The following FRY variants were observed in gnomAD, a reference collection of about 807,000 sequenced individuals.
FRY encodes protein furry homolog.
A neutral mutation model predicts 348.4 loss-of-function variants in FRY; 128 were observed. That is an observed-to-expected ratio of 0.37 (90% confidence interval 0.32 to 0.43). The LOEUF is 0.43. FRY is among the 20% of genes least tolerant of loss of function. The probability of loss-of-function intolerance (pLI) is 1.00; values close to 1 mark genes in which losing one functional copy is unlikely to be tolerated. For missense variants in FRY, 2,736 were observed against 3,695.2 expected (o/e 0.74, Z 6.73); for synonymous variants, 1,370 against 1,374.7 (o/e 1.00, Z 0.08).
chr13:32,212,878 TTAA>T lies in FRY; in HGVS notation c.4682+505_4682+507del, dbSNP rs112127003. Among the ~76,000 whole-genome samples, 1,384 of 152,282 alleles carry T rather than the reference TTAA, an allele frequency of 9.1e-3. 21 individuals are homozygous for T. Among genetic ancestry groups the T allele is most frequent in the African/African-American group, 0.032 (1,334 of 41,552 alleles). Reference sequence around the variant, plus strand: ...TCTCCGTTCCCTCCACATTAGCTCTTTAATAATAATATTTCCCCTATATCTCAG... The same window carrying T: ...TCTCCGTTCCCTCCACATTAGCTCTTTAATAATATTTCCCCTATATCTCAG... On this transcript the variant is annotated intron_variant, in intron 35 of 60. Coordinates refer to ENST00000542859, the MANE Select transcript of FRY (RefSeq NM_023037.3).
chr13:32,215,897 A>T (rs1336826770), intron 35 of FRY, among the ~76,000 whole-genome samples: 2 of 152,246 alleles, frequency 1.3e-5, no homozygotes, highest in African/African-American at 4.8e-5. Context: ...ATCAATCTTA[A>T]TAAAAGATTT....
intron 4 of FRY, among the ~76,000 whole-genome samples, chr13:32,123,629 A>G (rs1222804457): frequency 6.6e-6 from 1 of 152,218 alleles, no homozygotes. Flanking sequence ...GCCTGTCTCA[A>G]GTTGTTATCA....
At chr13:32,060,246 C>T (rs1873866340) in intron 1 of FRY, among the ~76,000 whole-genome samples, 1 of 152,152 alleles carries the variant, frequency 6.6e-6, no homozygotes, top group South Asian at 2.1e-4. Flanking sequence ...AGTAACTTTG[C>T]ATTTTCCTTC....
intron 11 of FRY, among the ~76,000 whole-genome samples, chr13:32,138,691 T>A (rs1879871694): frequency 6.6e-6 from 1 of 152,174 alleles, no homozygotes; most frequent in Non-Finnish European, 1.5e-5. Flanking sequence ...CTGAACCACA[T>A]TCCAGAATTC....
intron 28 of FRY, among the ~76,000 whole-genome samples, chr13:32,189,630 G>T (rs1162604939): frequency 6.6e-6 from 1 of 151,912 alleles, no homozygotes; most frequent in Non-Finnish European, 1.5e-5. Context: ...AATCAAGAAA[G>T]AGAGAGTGAC....
intron 50 of FRY, 45 bp from the exon 51 acceptor site, chr13:32,254,179 A>G (rs1218382238): frequency 5.0e-6 from 8 of 1,605,126 alleles, no homozygotes; most frequent in South Asian, 1.1e-5. Flanking sequence ...AGCACAAACA[A>G]CCAAAGGGAG....
intron 28 of FRY, among the ~76,000 whole-genome samples, chr13:32,193,916 T>C (rs773443179): frequency 2.0e-5 from 3 of 152,198 alleles, no homozygotes; most frequent in Non-Finnish European, 2.9e-5. Context: ...AAATTGAGAA[T>C]AGATGGACCC....
intron 1 of FRY, among the ~76,000 whole-genome samples, chr13:32,035,990 A>G (rs893887310): frequency 7.2e-5 from 11 of 152,192 alleles, no homozygotes; most frequent in African/African-American, 1.9e-4. Flanking sequence ...ACTGGTTAGT[A>G]TGAGGTCAGC....
chr13:32,176,427 A>G (rs938940247), intron 20 of FRY, among the ~76,000 whole-genome samples: 1 of 152,200 alleles, frequency 6.6e-6, no homozygotes, highest in African/African-American at 2.4e-5. Context: ...ATAAATGTAT[A>G]CAAAACCTGA....
chr13:32,224,146 T>G, intron 36 of FRY, 89 bp from the exon 37 acceptor site: 1 of 1,222,850 alleles, frequency 8.2e-7, no homozygotes, highest in Non-Finnish European at 1.2e-6. Context: ...CAAGCATACA[T>G]TTTTAAAATT....
At chr13:32,264,621 CA>C (rs1887827073) in intron 53 of FRY, among the ~76,000 whole-genome samples, 1 of 152,176 alleles carries the variant, frequency 6.6e-6, no homozygotes, top group African/African-American at 2.4e-5. Flanking sequence ...GGCCCAGGCC[CA>C]AACCCAGCCT....
intron 17 of FRY, among the ~76,000 whole-genome samples, 191 bp from the exon 18 acceptor site, chr13:32,170,821 G>A (rs1265479686): frequency 6.6e-6 from 1 of 152,112 alleles, no homozygotes; most frequent in Admixed American, 6.5e-5. Context: ...ACAGGCGTGA[G>A]CCACCATGCC....
intron 15 of FRY, among the ~76,000 whole-genome samples, chr13:32,156,091 A>G (rs395341): frequency 6.6e-6 from 1 of 151,986 alleles, no homozygotes; most frequent in Admixed American, 6.5e-5. Flanking sequence ...ATCAGGTTAT[A>G]TTGTGGATTT....
intron 1 of FRY, among the ~76,000 whole-genome samples, chr13:32,045,901 A>C (rs1238256071): frequency 1.3e-5 from 2 of 152,216 alleles, no homozygotes. Flanking sequence ...GGCTTGCTGA[A>C]AGTTAAGACC....
intron 55 of FRY, among the ~76,000 whole-genome samples, chr13:32,273,313 C>T (rs1888305520): frequency 6.6e-6 from 1 of 151,744 alleles, no homozygotes; most frequent in Non-Finnish European, 1.5e-5. Flanking sequence ...GCTCCGCCCC[C>T]TGGGGTTCAC....
chr13:32,098,372 A>C (rs1048414480), intron 2 of FRY, among the ~76,000 whole-genome samples: 3 of 152,042 alleles, frequency 2.0e-5, no homozygotes, highest in Non-Finnish European at 4.4e-5. Context: ...CTGTCCTGTG[A>C]CTTTAAGTGT....
intron 52 of FRY, 132 bp from the exon 53 acceptor site, chr13:32,262,181 GT>G (rs1887684486): frequency 1.4e-6 from 1 of 738,070 alleles, no homozygotes; most frequent in Non-Finnish European, 2.4e-6. Flanking sequence ...TAGCTGCTAT[GT>G]TTAAGGCCCA....
In FRY at chr13:32,183,043, T is replaced by G; in HGVS notation, c.3054+9T>G. The G allele has an allele frequency of 3.8e-6, 6 of 1,562,740 alleles. No homozygotes were observed. The highest frequency in any genetic ancestry group is 5.3e-6 in the Non-Finnish European group (6 of 1,135,418). ...TGGAAAGAAGACCAGAGGTAAGAAT[T>G]TGAATTTAAAAAATTAAGGCTTGGT... On this transcript the variant is annotated intron_variant, in intron 24 of 60. Transcript: ENST00000542859.
chr13:32,099,031 T>G (rs936499560), intron 2 of FRY, among the ~76,000 whole-genome samples: 4 of 151,926 alleles, frequency 2.6e-5, no homozygotes, highest in Non-Finnish European at 5.9e-5. Flanking sequence ...GTGGGGCTTG[T>G]ATATGCCTTA....
Sources: allele counts gnomAD v4.1 joint callset (sites outside exome capture counted in the v4.1 genomes callset), GRCh38; gene constraint gnomAD v4.1.1; transcripts MANE v1.5; gene names NCBI Gene and HGNC (gene_info 2026-07-23, HGNC 2026-07-21).